Variants in CILP observed in about 807,000 individuals in gnomAD.
The protein encoded by CILP is cartilage intermediate layer protein 1.
In CILP, 75 loss-of-function variants were observed where a neutral mutation model predicts 82.5. That is an observed-to-expected ratio of 0.91 (90% CI 0.75 to 1.10). CILP has a LOEUF of 1.10. Ranked by LOEUF, CILP falls within the 50% of genes least tolerant of loss-of-function variation. The probability of loss-of-function intolerance (pLI) is 0.00; values close to 1 mark genes in which losing one functional copy is unlikely to be tolerated. For missense variants in CILP, 1,479 were observed against 1,530.8 expected (o/e 0.97, Z 0.56); for synonymous variants, 530 against 580.3 (o/e 0.91, Z 1.25).
In CILP at chr15:65,194,862, C is replaced by T. The variant is rs1447669827; in HGVS notation, c.*1869G>A. The T allele has an allele frequency of 1.4e-5, 2 of 146,046 alleles. No individual in the cohort carries two copies. Among genetic ancestry groups the T allele is most frequent in the East Asian group, 2.0e-4 (1 of 4,904 alleles). 9.0% of individuals were successfully genotyped at this position (146,046 alleles called of 1,614,324 possible). On this transcript the variant is annotated 3_prime_UTR_variant, in exon 9 of 9. Transcript: ENST00000261883. ...CCCACCTTCCCCAGCAACCCACCCC[C>T]CCCCGACCCTCCCCCTCCCCCCGTG...
Position 65,205,286 on chromosome 15 carries a change from C to T in CILP, c.604+1G>A. Reference sequence around the variant, plus strand: ...CCCAGTGCCAGGAGGGAGGGTGGTACCTGTACAGTCCTGGCCCATGCAGTG... The same window carrying T: ...CCCAGTGCCAGGAGGGAGGGTGGTATCTGTACAGTCCTGGCCCATGCAGTG... On this transcript the variant is annotated splice_donor_variant, in intron 5 of 8. Transcript: ENST00000261883. LOFTEE classifies it high-confidence loss of function. 1 of 1,602,692 alleles carries T rather than the reference C, an allele frequency of 6.2e-7. No individual in the cohort carries two copies. The highest frequency in any genetic ancestry group is 2.2e-5 in the East Asian group (1 of 44,488).
Position 65,197,683 on chromosome 15 carries a change from C to T in CILP, c.2603G>A (p.Arg868Gln), listed in dbSNP as rs375462577. Reference sequence around the variant, plus strand: ...AATCTGGAAAGCTGTCTTTTTAACCCGTGGATCCTCATGGTCCGTCCGACG... The same window carrying T: ...AATCTGGAAAGCTGTCTTTTTAACCTGTGGATCCTCATGGTCCGTCCGACG... ...NYRRTDHEDP[R>Q]VKKTAFQISM... Residue 868 changes from arginine (R) to glutamine (Q), a missense_variant, in exon 9 of 9, where the codon CGG becomes CAG. By Grantham distance (43) the Arg-to-Gln change is conservative (BLOSUM62 1). Transcript: ENST00000261883. 6 of 1,613,868 alleles carry T rather than the reference C, an allele frequency of 3.7e-6. No individual in the cohort carries two copies. The highest frequency in any genetic ancestry group is 3.3e-5 in the South Asian group (3 of 91,088).
Position 65,204,348 on chromosome 15 carries a change from A to C in CILP, c.839T>G (p.Val280Gly), listed in dbSNP as rs1215429369. 1.2e-6 allele frequency: 2 copies of C among 1,614,134 alleles called. No homozygotes were observed. Among genetic ancestry groups the C allele is most frequent in the Non-Finnish European group, 8.5e-7 (1 of 1,180,026 alleles). ...DGKSILKITK[V>G]KFAPIVLTMP... is the part of the protein sequence containing the mutation. ...TGTGAGTACAATGGGGGCAAACTTGACCTTTGTGATCTTCAGGATGCTTTT... is the reference window on the plus strand; with the variant it reads ...TGTGAGTACAATGGGGGCAAACTTGCCCTTTGTGATCTTCAGGATGCTTTT... The change falls in exon 6 of 9, where the codon GTC (valine) becomes GGC (glycine). Residue 280 changes from valine (V) to glycine (G), a missense_variant. Val to Gly is a moderately radical substitution (Grantham distance 109). Transcript: ENST00000261883.
chr15:65,197,294 G>T lies in CILP; in HGVS notation c.2992C>A (p.Gln998Lys). ...AGACAGGCAGCTGAGACATTGGGCT[G>T]GTCCCTGTCCCGAGTGCTCCTCACA... ...RDVRSTRDRD[Q>K]PNVSAACLEF... The change falls in exon 9 of 9, where the codon CAG (glutamine) becomes AAG (lysine). Residue 998 changes from glutamine to lysine, a missense_variant. Coordinates refer to ENST00000261883, the MANE Select transcript of CILP (RefSeq NM_003613.4). 6.2e-7 allele frequency: 1 copy of T among 1,614,054 alleles called. No individual in the cohort carries two copies. The highest frequency in any genetic ancestry group is 1.3e-5 in the African/African-American group (1 of 75,054).
At chr15:65,210,371 A>T (rs1178691129) in intron 1 of CILP, among the ~76,000 whole-genome samples, 1 of 152,140 alleles carries the variant, frequency 6.6e-6, no homozygotes, top group Admixed American at 6.5e-5. Flanking sequence ...ACATTCCCAG[A>T]TGTGCACGGG....
At chr15:65,203,201 A>G (rs2088479473) in intron 7 of CILP, among the ~76,000 whole-genome samples, 161 bp downstream of exon 7, 1 of 152,070 alleles carries the variant, frequency 6.6e-6, no homozygotes, top group Admixed American at 6.6e-5. Flanking sequence ...TCCCAACCCC[A>G]TGGCTCCCAT....
rs773386993 is a variant in CILP at position 65,206,833 on chromosome 15, G to A, written c.373C>T (p.Arg125Trp). 57 of 1,613,892 alleles carry A rather than the reference G, an allele frequency of 3.5e-5. No homozygotes were observed. The highest frequency in any genetic ancestry group is 1.2e-4 in the Admixed American group (7 of 60,002). ...TAATTAGAGCAGTTCTGGCCAGGCC[G>A]CTGCTCCCTGTTGAGGCACCAGAAA... is the stretch of plus-strand genomic sequence containing the variant. ...EGFWCLNREQ[R>W]PGQNCSNYTV... is the part of the protein sequence containing the mutation. Residue 125 changes from arginine (R) to tryptophan (W), a missense_variant, in exon 4 of 9, where the codon CGG (arginine) becomes TGG (tryptophan). Transcript: ENST00000261883.
At position 65,209,963 on chromosome 15, in the gene CILP, A is replaced by G. The variant is rs2088566835; in HGVS notation, c.-106-102T>C. The stretch of plus-strand genomic sequence containing the variant: ...CTGTCAAGGAGGGAAAGGTGGACAG[A>G]ATGATATGAAAGTGATATCTGCCTG... On this transcript the variant is annotated intron_variant, in intron 1 of 8. Transcript: ENST00000261883. 6 of 547,004 alleles carry G rather than the reference A, an allele frequency of 1.1e-5. No individual in the cohort carries two copies. The South Asian group carries it at 1.3e-4, about 12-fold the overall frequency. The allele number at this position is 547,004 out of a possible 1,614,324, so 33.9% of individuals were successfully genotyped here. A position where few individuals can be genotyped will look rare whatever the true frequency, so the allele number is the denominator to read the frequency against.
chr15:65,196,450 A>T lies in CILP; in HGVS notation c.*281T>A. On this transcript the variant is annotated 3_prime_UTR_variant, in exon 9 of 9. Coordinates refer to ENST00000261883, the MANE Select transcript of CILP (RefSeq NM_003613.4). ...AAGAAGAGGAAGTATATTTGCATTA[A>T]TGGCATTAAATGAAGTACAGTTGAA... 1 of 352,388 alleles carries T rather than the reference A, an allele frequency of 2.8e-6. No homozygotes were observed. Among genetic ancestry groups the T allele is most frequent in the Non-Finnish European group, 5.1e-6 (1 of 195,470 alleles). 21.8% of individuals were successfully genotyped at this position (352,388 alleles called of 1,614,324 possible).
chr15:65,203,533 G>A, intron 6 of CILP, 63 bp from the exon 7 acceptor site: 1 of 1,185,140 alleles, frequency 8.4e-7, no homozygotes, highest in Non-Finnish European at 1.3e-6. Flanking sequence ...AGGTTCTACA[G>A]AGCCTAGCTC....
chr15:65,201,891 A>T lies in CILP; in HGVS notation c.1167T>A (p.Val389=). The change falls in exon 8 of 9, where the codon GTT becomes GTA. Residue 389 remains valine, a synonymous_variant. Transcript: ENST00000261883. ...QSDAGAVKSK[V]AQLIVIASDE... ...GCTTACCTATGACAATCAGCTGGGC[A>T]ACCTTGGACTTCACAGCCCCAGCAT... 1 of 1,562,976 alleles carries T rather than the reference A, an allele frequency of 6.4e-7. No individual in the cohort carries two copies.
In CILP at chr15:65,197,115, G is replaced by A; in HGVS notation, c.3171C>T (p.Asp1057=). 6.2e-7 allele frequency: 1 copy of A among 1,614,002 alleles called. No homozygotes were observed. Among genetic ancestry groups the A allele is most frequent in the South Asian group, 1.1e-5 (1 of 91,080 alleles). ...VNHLPLAVNN[D]TSEYTMLAPL... ...GTGCCAGCATGGTGTACTCACTGGT[G>A]TCGTTGTTGACTGCAAGTGGCAAGT... Residue 1057 remains aspartate, a synonymous_variant, in exon 9 of 9, where the codon GAC becomes GAT. Coordinates refer to ENST00000261883, the MANE Select transcript of CILP (RefSeq NM_003613.4).
intron 6 of CILP, among the ~76,000 whole-genome samples, chr15:65,203,752 C>G (rs2088486169): frequency 6.6e-6 from 1 of 152,216 alleles, no homozygotes; most frequent in Non-Finnish European, 1.5e-5. Context: ...CAAGCACTAC[C>G]TTTGGGACAG....
chr15:65,205,548 C>G, intron 4 of CILP, 82 bp from the exon 5 acceptor site: 1 of 1,364,824 alleles, frequency 7.3e-7, no homozygotes, highest in Non-Finnish European at 9.9e-7. Flanking sequence ...GCTGTTTCTT[C>G]TCTGGTAAAG....
At chr15:65,209,144 T>G (rs111735583) in intron 2 of CILP, among the ~76,000 whole-genome samples, 1 of 151,582 alleles carries the variant, frequency 6.6e-6, no homozygotes. Flanking sequence ...GGAAGTCTTC[T>G]GTTCCACCAG....
At chr15:65,202,300 C>G (rs952888045) in intron 7 of CILP, among the ~76,000 whole-genome samples, 11 of 152,142 alleles carry the variant, frequency 7.2e-5, no homozygotes, top group African/African-American at 2.2e-4. Context: ...GCTTTCTGGT[C>G]TATAAAATGT....
intron 8 of CILP, among the ~76,000 whole-genome samples, chr15:65,200,247 G>A (rs2088432893): frequency 6.6e-6 from 1 of 152,188 alleles, no homozygotes; most frequent in Non-Finnish European, 1.5e-5. Context: ...ATCTATAAAT[G>A]TAACTTCAGA....
chr15:65,198,774 G>C lies in CILP; in HGVS notation c.1512C>G (p.Pro504=), dbSNP rs2088413710. ...GRVSAADNGE[P]MRFGHVYMGN... is the part of the protein sequence containing the mutation. The stretch of plus-strand genomic sequence containing the variant: ...CCATGTACACATGGCCAAAGCGCAT[G>C]GGCTCCCCATTGTCAGCAGCACTGA... Residue 504 remains proline, a synonymous_variant, in exon 9 of 9, where the codon CCC becomes CCG. Transcript: ENST00000261883. 6.2e-7 allele frequency: 1 copy of C among 1,614,046 alleles called. No homozygotes were observed.
At chr15:65,209,644 C>T (rs2088563517) in intron 2 of CILP, 51 bp downstream of exon 2, 2 of 1,582,176 alleles carry the variant, frequency 1.3e-6, no homozygotes, top group Non-Finnish European at 1.7e-6. Flanking sequence ...CAGACACAAC[C>T]TCACTGTGGC....
Sources: allele counts gnomAD v4.1 joint callset (sites outside exome capture counted in the v4.1 genomes callset), GRCh38; gene constraint gnomAD v4.1.1; transcripts MANE v1.5; gene names NCBI Gene and HGNC (gene_info 2026-07-23, HGNC 2026-07-21).